Variants in FRMD4A observed in about 807,000 individuals in gnomAD.
FRMD4A encodes the protein FERM domain containing 4A, also known as FERM domain-containing protein 4A.
A neutral mutation model predicts 129.1 loss-of-function variants in FRMD4A; 29 were observed. That is an observed-to-expected ratio of 0.22 (90% CI 0.17 to 0.31). The LOEUF (loss-of-function observed/expected upper bound fraction) is 0.31, where lower values mean the gene tolerates loss of function less well. FRMD4A is among the 10% of genes least tolerant of loss of function. The pLI is 1.00. For missense variants in FRMD4A, 1,272 were observed against 1,375.8 expected (o/e 0.92, Z 1.19); for synonymous variants, 634 against 571.6 (o/e 1.11, Z -1.56).
At chr10:13,675,742 C>T (rs181724919) in intron 15 of FRMD4A, 1 of 152,148 alleles carries the variant, frequency 6.6e-6, no homozygotes, top group East Asian at 1.9e-4. Context: ...CTTAAAAATA[C>T]TTATTATTTT....
chr10:13,699,137 C>T (rs1183131887), intron 14 of FRMD4A, among the ~76,000 whole-genome samples: 1 of 150,058 alleles, frequency 6.7e-6, no homozygotes, highest in Non-Finnish European at 1.5e-5. Flanking sequence ...CTCACTGCAA[C>T]CTCTGCCTCC....
chr10:13,833,655 C>T (rs113302193), intron 3 of FRMD4A, among the ~76,000 whole-genome samples: 30 of 151,830 alleles, frequency 2.0e-4, no homozygotes, highest in African/African-American at 7.3e-4. Flanking sequence ...TTCATTGGAG[C>T]GTTGTGAGGA....
intron 17 of FRMD4A, among the ~76,000 whole-genome samples, chr10:13,667,084 G>C (rs570363394): frequency 3.3e-5 from 5 of 151,960 alleles, no homozygotes; most frequent in African/African-American, 9.7e-5. Context: ...GCTAACTTTT[G>C]TATTTTTAGT....
rs1565042083 is a variant in FRMD4A at position 13,921,258 on chromosome 10, C to CTCTCTT, written c.46-62347_46-62346insAAGAGA. On this transcript the variant is annotated intron_variant, in intron 2 of 24. Transcript: ENST00000357447. The stretch of plus-strand genomic sequence containing the variant: ...TCTTTCTTTCTCTCTTTCTCTCTCT[C>CTCTCTT]TCTCTCTTTCTCTCTTTCTTTCTTG... Among the ~76,000 whole-genome samples, 363 of 135,288 alleles carry CTCTCTT rather than the reference C, an allele frequency of 2.7e-3. 3 individuals carry two copies. Among genetic ancestry groups the CTCTCTT allele is most frequent in the African/African-American group, 8.5e-3 (330 of 38,916 alleles). The allele number at this position is 135,288 out of a possible 152,430, so 88.8% of individuals were successfully genotyped here. A position where few individuals can be genotyped will look rare whatever the true frequency, so the allele number is the denominator to read the frequency against.
chr10:13,985,153 T>C (rs1413379275), intron 2 of FRMD4A, among the ~76,000 whole-genome samples: 1 of 152,216 alleles, frequency 6.6e-6, no homozygotes, highest in Non-Finnish European at 1.5e-5. Context: ...TCCGTCTGCT[T>C]GGTTTGCCTT....
intron 2 of FRMD4A, among the ~76,000 whole-genome samples, chr10:13,888,081 A>G (rs2131152904): frequency 6.6e-6 from 1 of 152,328 alleles, no homozygotes. Flanking sequence ...AAGTTCCAAG[A>G]GCTATTGTAC....
intron 4 of FRMD4A, among the ~76,000 whole-genome samples, chr10:13,800,912 T>C (rs1394500833): frequency 6.6e-6 from 1 of 152,206 alleles, no homozygotes; most frequent in East Asian, 1.9e-4. Flanking sequence ...CGGCCATCTA[T>C]TGGTTTAACA....
chr10:14,114,456 G>T (rs972241547), intron 2 of FRMD4A, among the ~76,000 whole-genome samples: 2 of 152,170 alleles, frequency 1.3e-5, no homozygotes, highest in African/African-American at 4.8e-5. Context: ...ACTTGGAATG[G>T]ATTTATTCCT....
At chr10:13,703,607 A>T (rs180697771) in intron 13 of FRMD4A, among the ~76,000 whole-genome samples, 182 of 152,322 alleles carry the variant, frequency 1.2e-3, no homozygotes, top group Admixed American at 2.7e-3. Flanking sequence ...TGAGCCCGGA[A>T]CACCAAACTA....
At chr10:14,235,637 C>T (rs1327236552) in intron 2 of FRMD4A, among the ~76,000 whole-genome samples, 1 of 152,198 alleles carries the variant, frequency 6.6e-6, no homozygotes, top group African/African-American at 2.4e-5. Flanking sequence ...CAGAATCCAC[C>T]ACTGCCACGG....
chr10:13,791,251 T>G (rs907783494), intron 5 of FRMD4A, among the ~76,000 whole-genome samples: 3 of 152,068 alleles, frequency 2.0e-5, no homozygotes, highest in Admixed American at 6.5e-5. Flanking sequence ...AAAACCACAG[T>G]GGGGAACAGA....
At chr10:14,325,579 G>A (rs1399364336) in intron 2 of FRMD4A, among the ~76,000 whole-genome samples, 1 of 152,220 alleles carries the variant, frequency 6.6e-6, no homozygotes, top group Non-Finnish European at 1.5e-5. Flanking sequence ...GTTAGGCACT[G>A]TTTTGTTATA....
intron 2 of FRMD4A, among the ~76,000 whole-genome samples, chr10:13,862,135 C>T (rs1417076685): frequency 6.6e-6 from 1 of 151,904 alleles, no homozygotes; most frequent in Non-Finnish European, 1.5e-5. Context: ...AAAGTCTCGA[C>T]AGAGAATAGG....
chr10:14,054,594 C>T (rs1834421378), intron 2 of FRMD4A, among the ~76,000 whole-genome samples: 1 of 152,156 alleles, frequency 6.6e-6, no homozygotes, highest in Non-Finnish European at 1.5e-5. Flanking sequence ...GTCCACTGAA[C>T]AGGGGCAGTC....
At chr10:13,987,210 T>C (rs2095584778) in intron 2 of FRMD4A, among the ~76,000 whole-genome samples, 1 of 152,128 alleles carries the variant, frequency 6.6e-6, no homozygotes, top group Non-Finnish European at 1.5e-5. Context: ...GATCTGCCAC[T>C]TTACCTCTGA....
At chr10:13,874,079 C>T (rs1035229585) in intron 2 of FRMD4A, among the ~76,000 whole-genome samples, 4 of 150,734 alleles carry the variant, frequency 2.7e-5, no homozygotes, top group African/African-American at 9.7e-5. Flanking sequence ...AACCTCGTCT[C>T]TACTAAAAAT....
At chr10:13,848,022 C>T (rs1235611063) in intron 3 of FRMD4A, among the ~76,000 whole-genome samples, 1 of 152,210 alleles carries the variant, frequency 6.6e-6, no homozygotes, top group Admixed American at 6.5e-5. Context: ...CACGTGTGTG[C>T]CTTTCCCCTG....
At chr10:14,326,727 C>T (rs1843291563) in intron 2 of FRMD4A, 6 of 397,432 alleles carry the variant, frequency 1.5e-5, no homozygotes, top group Non-Finnish European at 2.7e-5. Context: ...TAGCATGTTC[C>T]AGCCCTTGCA....
intron 2 of FRMD4A, among the ~76,000 whole-genome samples, chr10:14,191,794 G>GTTT (rs11410689): frequency 4.5e-5 from 6 of 133,082 alleles, no homozygotes; most frequent in Admixed American, 1.6e-4. Flanking sequence ...TCAACTGGCT[G>GTTT]TTTTTTTTTT....
Sources: allele counts gnomAD v4.1 joint callset (sites outside exome capture counted in the v4.1 genomes callset), GRCh38; gene constraint gnomAD v4.1.1; transcripts MANE v1.5; gene names NCBI Gene and HGNC (gene_info 2026-07-23, HGNC 2026-07-21).